The following RBFOX1 variants were observed in gnomAD, a reference collection of about 807,000 sequenced individuals.
RBFOX1 encodes the protein RNA binding protein fox-1 homolog 1.
RBFOX1 carries 8 observed loss-of-function variants against 57.7 expected under a neutral mutation model. That is an observed-to-expected ratio of 0.14 (90% confidence interval 0.08 to 0.25). RBFOX1 has a LOEUF of 0.25. Ranked by LOEUF, RBFOX1 falls within the 10% of genes least tolerant of loss-of-function variation. The pLI is 1.00. For synonymous variants in RBFOX1, 326 were observed against 222.4 expected, an observed-to-expected ratio of 1.47 and a Z score of -4.15; for missense variants, 611 against 548.5, an observed-to-expected ratio of 1.11 and a Z score of -1.14.
chr16:5,430,174 G>C (rs1002832637), intron 1 of RBFOX1, among the ~76,000 whole-genome samples: 1 of 152,124 alleles, frequency 6.6e-6, no homozygotes, highest in Non-Finnish European at 1.5e-5. Context: ...CTTCATGGAC[G>C]GACCAGCCAG....
chr16:7,391,473 C>T (rs2098020271), intron 4 of RBFOX1, among the ~76,000 whole-genome samples: 1 of 152,190 alleles, frequency 6.6e-6, no homozygotes, highest in Non-Finnish European at 1.5e-5. Flanking sequence ...TCTTTCCTCC[C>T]TTTCTTGCAT....
chr16:5,980,089 G>A (rs1340512995), intron 4 of RBFOX1, among the ~76,000 whole-genome samples: 1 of 152,124 alleles, frequency 6.6e-6, no homozygotes, highest in African/African-American at 2.4e-5. Context: ...AGGAACTTAG[G>A]CTCCTTTCTG....
At chr16:7,540,424 C>A (rs564141647) in intron 5 of RBFOX1, among the ~76,000 whole-genome samples, 1 of 152,294 alleles carries the variant, frequency 6.6e-6, no homozygotes, top group East Asian at 1.9e-4. Context: ...CAAGACTTGG[C>A]AAGTAACACA....
chr16:6,316,574 A>G (rs1290731337), intron 1 of RBFOX1, among the ~76,000 whole-genome samples: 1 of 152,210 alleles, frequency 6.6e-6, no homozygotes, highest in Admixed American at 6.5e-5. Context: ...ATAATGATAT[A>G]TCTGAAATGT....
intron 4 of RBFOX1, among the ~76,000 whole-genome samples, chr16:7,290,027 C>T (rs1464520063): frequency 6.6e-6 from 1 of 152,110 alleles, no homozygotes; most frequent in Non-Finnish European, 1.5e-5. Context: ...GGAGAGTAAA[C>T]CTATAATCTG....
Position 7,160,260 on chromosome 16 carries a change from T to C in RBFOX1, c.27+108162T>C, listed in dbSNP as rs187569289. On this transcript the variant is annotated intron_variant, in intron 4 of 15. Coordinates refer to ENST00000550418, the MANE Select transcript of RBFOX1 (RefSeq NM_018723.4). ...TATGTGCTTTAGAGGCCAGATGGCA[T>C]TGTTTTCTTCCTGTCTTTGGCAGGT... Among the ~76,000 whole-genome samples the C allele has an allele frequency of 4.6e-3, 704 of 152,222 alleles. 4 individuals are homozygous for C. Among genetic ancestry groups the C allele is most frequent in the Non-Finnish European group, 7.0e-3 (477 of 68,018 alleles).
chr16:5,899,057 C>T (rs2058239626), intron 4 of RBFOX1, among the ~76,000 whole-genome samples: 1 of 150,636 alleles, frequency 6.6e-6, no homozygotes, highest in African/African-American at 2.4e-5. Context: ...GAGATACCTG[C>T]CTCCCCTCTC....
intron 3 of RBFOX1, among the ~76,000 whole-genome samples, chr16:5,810,669 G>A (rs1053004767): frequency 1.3e-5 from 2 of 152,164 alleles, no homozygotes; most frequent in African/African-American, 4.8e-5. Flanking sequence ...TGCACAATCA[G>A]AATTCAGGAG....
intron 14 of RBFOX1, among the ~76,000 whole-genome samples, chr16:7,694,117 G>T (rs1431465558): frequency 6.6e-6 from 1 of 152,160 alleles, no homozygotes; most frequent in Non-Finnish European, 1.5e-5. Flanking sequence ...CTTAACACTA[G>T]ATTTCCTTCT....
At chr16:7,436,588 A>G (rs1232029572) in intron 4 of RBFOX1, among the ~76,000 whole-genome samples, 2 of 152,212 alleles carry the variant, frequency 1.3e-5, no homozygotes, top group Non-Finnish European at 2.9e-5. Flanking sequence ...CTGAGGCTCC[A>G]TGAGGTTAAA....
intron 3 of RBFOX1, among the ~76,000 whole-genome samples, chr16:6,903,972 G>A (rs1471605119): frequency 2.6e-5 from 4 of 152,214 alleles, no homozygotes; most frequent in South Asian, 2.1e-4. Flanking sequence ...GCAAATCCAA[G>A]GTTCACATCC....
chr16:6,070,817 G>GCCC (rs200895934), intron 1 of RBFOX1, among the ~76,000 whole-genome samples: 1 of 149,662 alleles, frequency 6.7e-6, no homozygotes, highest in Admixed American at 6.7e-5. Flanking sequence ...ACACACGCTC[G>GCCC]CCCCCCCCAC....
chr16:6,840,801 T>A (rs2093415184), intron 3 of RBFOX1, among the ~76,000 whole-genome samples: 1 of 150,394 alleles, frequency 6.6e-6, no homozygotes, highest in African/African-American at 2.5e-5. Context: ...GCAGGAGAAT[T>A]GCTTGATCCT....
chr16:5,575,340 C>T (rs1024431687), intron 2 of RBFOX1, among the ~76,000 whole-genome samples: 1 of 152,218 alleles, frequency 6.6e-6, no homozygotes, highest in South Asian at 2.1e-4. Context: ...GCGTCATCAT[C>T]ACTGCCATCA....
intron 1 of RBFOX1, among the ~76,000 whole-genome samples, chr16:5,445,139 C>G (rs767224329): frequency 2.6e-5 from 4 of 152,104 alleles, no homozygotes; most frequent in African/African-American, 7.2e-5. Flanking sequence ...CCAGGAGACC[C>G]TTTAGGAAGA....
chr16:5,712,754 T>A (rs988689049), intron 3 of RBFOX1, among the ~76,000 whole-genome samples: 1 of 152,168 alleles, frequency 6.6e-6, no homozygotes, highest in Admixed American at 6.6e-5. Flanking sequence ...AAGCCAGTGG[T>A]TAGATGATCT....
intron 4 of RBFOX1, among the ~76,000 whole-genome samples, chr16:7,361,784 ATGTT>A (rs557433568): frequency 2.2e-4 from 34 of 152,142 alleles, no homozygotes; most frequent in Admixed American, 2.0e-3. Flanking sequence ...AACCGTGTGT[ATGTT>A]TGTGTGTATG....
rs1184556772 is a variant in RBFOX1 at position 7,664,944 on chromosome 16, T to C, written c.906T>C (p.Asp302=). The part of the protein sequence containing the change: ...IPAYGGVVYQ[D]GFYGADIYGG... ...ACCCTTGCAGTGTTGTTTACCAGGA[T>C]GGATTTTATGGTGCAGACATTTATG... Residue 302 remains aspartate, a synonymous_variant, in exon 13 of 16, where the codon GAT becomes GAC. Coordinates refer to ENST00000550418, the MANE Select transcript of RBFOX1 (RefSeq NM_018723.4). The C allele has an allele frequency of 1.2e-6, 2 of 1,613,856 alleles. No individual in the cohort carries two copies. The highest frequency in any genetic ancestry group is 2.2e-5 in the East Asian group (1 of 44,894).
chr16:7,517,587 A>G (rs1170743961), intron 4 of RBFOX1, among the ~76,000 whole-genome samples: 2 of 151,584 alleles, frequency 1.3e-5, no homozygotes, highest in East Asian at 2.0e-4. Context: ...ATAACACACA[A>G]CCACACAGAC....
Sources: gnomAD v4.1 joint callset for allele counts (sites outside exome capture counted in the v4.1 genomes callset) on GRCh38, gnomAD v4.1.1 for gene constraint, MANE v1.5 for transcripts, NCBI Gene and HGNC (gene_info 2026-07-23, HGNC 2026-07-21) for gene names.